CARMIL1: variants seen among roughly 807,000 people sequenced by gnomAD.
CARMIL1 encodes the protein capping protein regulator and myosin 1 linker 1.
Under a neutral mutation model 177.1 loss-of-function variants are expected in CARMIL1, and 90 were observed. The observed-to-expected ratio is 0.51, with a 90% CI of 0.43 to 0.61. The LOEUF is 0.61. Among genes scored for constraint, CARMIL1 ranks in the 20% least tolerant of loss-of-function variants. The probability of loss-of-function intolerance (pLI) is 0.00; values close to 1 mark genes in which losing one functional copy is unlikely to be tolerated. For synonymous variants in CARMIL1, 577 were observed against 606.2 expected (o/e 0.95, Z 0.71); for missense variants, 1,380 against 1,667.0 (o/e 0.83, Z 3.00).
At chr6:25,494,387 G>T (rs966598417) in intron 15 of CARMIL1, among the ~76,000 whole-genome samples, 6 of 152,132 alleles carry the variant, frequency 3.9e-5, no homozygotes, top group African/African-American at 1.4e-4. Flanking sequence ...ACAGTGTTCA[G>T]ATTCCATCTT....
intron 2 of CARMIL1, among the ~76,000 whole-genome samples, chr6:25,405,817 T>G (rs1008700299): frequency 6.6e-6 from 1 of 152,208 alleles, no homozygotes; most frequent in Non-Finnish European, 1.5e-5. Context: ...ATATGGCTAT[T>G]AAACAGGAAG....
intron 31 of CARMIL1, among the ~76,000 whole-genome samples, chr6:25,593,385 G>A (rs1285804114): frequency 6.6e-6 from 1 of 152,170 alleles, no homozygotes; most frequent in African/African-American, 2.4e-5. Context: ...CCATGCTGCT[G>A]CATTGGTGGC....
intron 2 of CARMIL1, among the ~76,000 whole-genome samples, chr6:25,332,219 A>G (rs1785695675): frequency 6.6e-6 from 1 of 152,206 alleles, no homozygotes; most frequent in African/African-American, 2.4e-5. Flanking sequence ...AGTAGTGATG[A>G]ACTGGAAATC....
chr6:25,349,292 GA>G (rs1228504905), intron 2 of CARMIL1, among the ~76,000 whole-genome samples: 5 of 152,162 alleles, frequency 3.3e-5, no homozygotes, highest in Non-Finnish European at 1.5e-5. Context: ...CAGAAACCTG[GA>G]AAAACTCACT....
chr6:25,556,662 GTACTT>G (rs1472907688), intron 28 of CARMIL1, 34 bp from the exon 29 acceptor site: 4 of 1,583,350 alleles, frequency 2.5e-6, no homozygotes, highest in Non-Finnish European at 3.4e-6. Context: ...CACTTTCTCT[GTACTT>G]TAATTTCTCC....
chr6:25,575,923 T>C (rs1453606028), intron 29 of CARMIL1, among the ~76,000 whole-genome samples: 2 of 152,090 alleles, frequency 1.3e-5, no homozygotes, highest in African/African-American at 4.8e-5. Flanking sequence ...CCATTTTATA[T>C]TGAAAATAAT....
At chr6:25,295,162 T>A (rs1782287420) in intron 2 of CARMIL1, among the ~76,000 whole-genome samples, 1 of 152,166 alleles carries the variant, frequency 6.6e-6, no homozygotes, top group African/African-American at 2.4e-5. Context: ...AATTTAGATA[T>A]AATCATTGGA....
intron 2 of CARMIL1, among the ~76,000 whole-genome samples, chr6:25,416,189 C>T (rs578160621): frequency 1.3e-5 from 2 of 152,274 alleles, no homozygotes; most frequent in South Asian, 2.1e-4. Flanking sequence ...AAACATCTCT[C>T]ATTGTACTGC....
intron 31 of CARMIL1, among the ~76,000 whole-genome samples, chr6:25,587,002 C>CAGAGGG (rs201749532): frequency 6.5e-4 from 76 of 116,250 alleles, no homozygotes; most frequent in Non-Finnish European, 5.9e-4. Context: ...ACCGTGGAGA[C>CAGAGGG]AGAGGGAGAG....
chr6:25,379,781 G>A (rs760195765), intron 2 of CARMIL1, among the ~76,000 whole-genome samples: 4 of 152,130 alleles, frequency 2.6e-5, no homozygotes, highest in Non-Finnish European at 5.9e-5. Context: ...GCCTGGTTAA[G>A]TAAACCAAAA....
chr6:25,443,660 C>T (rs1233349401), intron 5 of CARMIL1, among the ~76,000 whole-genome samples: 1 of 152,152 alleles, frequency 6.6e-6, no homozygotes, highest in East Asian at 1.9e-4. Flanking sequence ...CTTAAAAATA[C>T]TTTGTTGCTA....
chr6:25,298,695 C>G (rs1202743635), intron 2 of CARMIL1, among the ~76,000 whole-genome samples: 3 of 151,410 alleles, frequency 2.0e-5, no homozygotes, highest in African/African-American at 7.3e-5. Flanking sequence ...TTTCAGGGCA[C>G]TGCTGTCTGT....
At chr6:25,532,021 T>C (rs988511427) in intron 24 of CARMIL1, among the ~76,000 whole-genome samples, 3 of 152,124 alleles carry the variant, frequency 2.0e-5, no homozygotes, top group African/African-American at 7.2e-5. Flanking sequence ...TCCACCCACC[T>C]TGGCCTTCCA....
intron 26 of CARMIL1, among the ~76,000 whole-genome samples, chr6:25,545,934 A>G (rs1809410439): frequency 6.6e-6 from 1 of 152,206 alleles, no homozygotes; most frequent in Admixed American, 6.5e-5. Flanking sequence ...TTAAATACCA[A>G]TATTGGAAGT....
intron 2 of CARMIL1, among the ~76,000 whole-genome samples, chr6:25,390,381 G>A (rs1468334574): frequency 7.2e-6 from 1 of 138,940 alleles, no homozygotes; most frequent in Non-Finnish European, 1.5e-5. Context: ...GAGTACAGCA[G>A]CACAGTCTTG....
chr6:25,403,175 A>G (rs190123919), intron 2 of CARMIL1, among the ~76,000 whole-genome samples: 13 of 151,698 alleles, frequency 8.6e-5, no homozygotes, highest in South Asian at 2.1e-4. Context: ...TTGAATTGCT[A>G]TGTAATTATT....
chr6:25,395,568 C>T (rs1050122326), intron 2 of CARMIL1, among the ~76,000 whole-genome samples: 4 of 152,178 alleles, frequency 2.6e-5, no homozygotes, highest in African/African-American at 9.7e-5. Context: ...TTTGTTTTCA[C>T]TTATTTTTCT....
chr6:25,547,639 T>C (rs974806522), intron 26 of CARMIL1, among the ~76,000 whole-genome samples: 18 of 152,190 alleles, frequency 1.2e-4, no homozygotes, highest in African/African-American at 3.6e-4. Context: ...GGATGTAAGA[T>C]GGGACTTCAC....
chr6:25,441,337 ATGTGTGTGTGTGTGTGTGTGTGTG>A (rs1554196401), intron 5 of CARMIL1, among the ~76,000 whole-genome samples: 1 of 94,534 alleles, frequency 1.1e-5, no homozygotes, highest in African/African-American at 4.4e-5. Flanking sequence ...ATATATATAT[ATGTGTGTGTGTGTGTGTGTGTGTG>A]TGTGTGTGTG....
Sources: gnomAD v4.1 joint callset for allele counts (sites outside exome capture counted in the v4.1 genomes callset) on GRCh38, gnomAD v4.1.1 for gene constraint, MANE v1.5 for transcripts, NCBI Gene and HGNC (gene_info 2026-07-23, HGNC 2026-07-21) for gene names.